Variants in LRMDA observed in about 807,000 individuals in gnomAD.
LRMDA encodes the protein leucine-rich melanocyte differentiation-associated protein.
In LRMDA, 18 loss-of-function variants were observed where a neutral mutation model predicts 29.8. The observed-to-expected ratio is 0.60, with a 90% CI of 0.42 to 0.90. The LOEUF (loss-of-function observed/expected upper bound fraction) is 0.90. Ranked by LOEUF, LRMDA falls within the 40% of genes least tolerant of loss-of-function variation. The pLI is 0.00. For missense variants in LRMDA, 273 were observed against 273.9 expected (o/e 1.00, Z 0.02); for synonymous variants, 125 against 109.4 (o/e 1.14, Z -0.89).
chr10:76,549,015 C>A (rs536891018), intron 6 of LRMDA, among the ~76,000 whole-genome samples: 1 of 152,268 alleles, frequency 6.6e-6, no homozygotes, highest in South Asian at 2.1e-4. Flanking sequence ...CAGACTTGGA[C>A]CAGCTTTTCC....
intron 6 of LRMDA, among the ~76,000 whole-genome samples, chr10:76,376,614 C>A (rs1369880472): frequency 1.3e-5 from 2 of 151,966 alleles, no homozygotes; most frequent in African/African-American, 4.8e-5. Flanking sequence ...AATGGTAGTT[C>A]TATTTTTAAT....
chr10:75,533,791 G>A (rs1488050984), intron 2 of LRMDA, among the ~76,000 whole-genome samples: 1 of 152,046 alleles, frequency 6.6e-6, no homozygotes, highest in Non-Finnish European at 1.5e-5. Flanking sequence ...GAGAGAGAGA[G>A]TCAACGATAT....
intron 2 of LRMDA, among the ~76,000 whole-genome samples, chr10:75,991,823 T>C (rs907291730): frequency 2.0e-5 from 3 of 152,202 alleles, no homozygotes; most frequent in African/African-American, 7.2e-5. Flanking sequence ...CAAGTGATAC[T>C]GAGGCCACAC....
chr10:76,049,752 T>G (rs552193988), intron 4 of LRMDA, among the ~76,000 whole-genome samples: 1 of 152,010 alleles, frequency 6.6e-6, no homozygotes, highest in East Asian at 1.9e-4. Context: ...TGCAGCTGCC[T>G]TTTTTTTCTT....
intron 5 of LRMDA, among the ~76,000 whole-genome samples, chr10:76,068,065 T>C (rs1157558753): frequency 6.6e-6 from 1 of 152,238 alleles, no homozygotes; most frequent in African/African-American, 2.4e-5. Flanking sequence ...GTTCTGAAGC[T>C]GCCTTCAATG....
chr10:76,487,317 G>C (rs192894347), intron 6 of LRMDA, among the ~76,000 whole-genome samples: 1 of 152,016 alleles, frequency 6.6e-6, no homozygotes, highest in African/African-American at 2.4e-5. Flanking sequence ...ATTATTGTAT[G>C]CGGAAGATAT....
chr10:76,154,700 T>C (rs757691884), intron 5 of LRMDA, among the ~76,000 whole-genome samples: 4 of 152,202 alleles, frequency 2.6e-5, no homozygotes, highest in Non-Finnish European at 4.4e-5. Context: ...AAGCTTCTGA[T>C]ATATTGGATT....
At chr10:75,684,860 G>A (rs1019449483) in intron 2 of LRMDA, among the ~76,000 whole-genome samples, 3 of 152,136 alleles carry the variant, frequency 2.0e-5, no homozygotes, top group African/African-American at 7.2e-5. Flanking sequence ...TGAGGCAGCC[G>A]AATGCAGCTG....
chr10:76,230,973 C>G (rs557305335), intron 5 of LRMDA, among the ~76,000 whole-genome samples: 6 of 152,296 alleles, frequency 3.9e-5, no homozygotes, highest in Admixed American at 2.0e-4. Context: ...GATAGACAGA[C>G]AAAGGCCATG....
chr10:75,897,538 A>T (rs143742609), intron 2 of LRMDA, among the ~76,000 whole-genome samples: 1,542 of 152,314 alleles, frequency 0.01, 11 homozygotes, highest in Non-Finnish European at 0.018. Flanking sequence ...CGAACCTTAG[A>T]TATAAAATAT....
At chr10:75,684,131 A>G (rs1272240546) in intron 2 of LRMDA, among the ~76,000 whole-genome samples, 2 of 152,260 alleles carry the variant, frequency 1.3e-5, no homozygotes, top group African/African-American at 2.4e-5. Flanking sequence ...AAATTAAAAC[A>G]TAAATTAGAA....
intron 2 of LRMDA, among the ~76,000 whole-genome samples, chr10:75,655,176 A>C (rs540701037): frequency 1.5e-3 from 223 of 152,364 alleles, no homozygotes; most frequent in Admixed American, 5.2e-3. Context: ...TGTGGTTGTC[A>C]AAACAAGCAA....
chr10:75,487,231 T>C (rs1844926248), intron 2 of LRMDA, among the ~76,000 whole-genome samples: 1 of 152,222 alleles, frequency 6.6e-6, no homozygotes, highest in South Asian at 2.1e-4. Context: ...CCATATAATA[T>C]ATAGTTATTT....
At chr10:76,153,380 G>T (rs1297017577) in intron 5 of LRMDA, among the ~76,000 whole-genome samples, 3 of 152,140 alleles carry the variant, frequency 2.0e-5, no homozygotes, top group African/African-American at 4.8e-5. Context: ...TTACATCTAA[G>T]AAACTATTGA....
At chr10:75,657,393 G>A (rs541688058) in intron 2 of LRMDA, among the ~76,000 whole-genome samples, 3 of 152,288 alleles carry the variant, frequency 2.0e-5, no homozygotes, top group East Asian at 1.9e-4. Flanking sequence ...GGGTGAAAGC[G>A]TGGTAGGCGC....
intron 2 of LRMDA, among the ~76,000 whole-genome samples, chr10:75,807,134 G>A (rs1843868832): frequency 6.6e-6 from 1 of 152,180 alleles, no homozygotes; most frequent in South Asian, 2.1e-4. Flanking sequence ...GACTTTAGCT[G>A]GAGGTCGGTC....
intron 2 of LRMDA, among the ~76,000 whole-genome samples, chr10:75,814,088 G>A (rs1009929262): frequency 2.0e-5 from 3 of 152,204 alleles, no homozygotes; most frequent in African/African-American, 7.2e-5. Context: ...GAACCATTTA[G>A]GAATATGATT....
chr10:75,833,577 A>G (rs913295482), intron 2 of LRMDA, among the ~76,000 whole-genome samples: 1 of 152,222 alleles, frequency 6.6e-6, no homozygotes, highest in Non-Finnish European at 1.5e-5. Context: ...TACGTGAAGT[A>G]TACATTCACC....
chr10:76,074,929 G>T (rs1848934070), intron 5 of LRMDA, among the ~76,000 whole-genome samples: 1 of 152,120 alleles, frequency 6.6e-6, no homozygotes, highest in African/African-American at 2.4e-5. Context: ...AGGGACCTAG[G>T]CTTCTTCCAT....
Sources: allele counts gnomAD v4.1 joint callset (sites outside exome capture counted in the v4.1 genomes callset), GRCh38; gene constraint gnomAD v4.1.1; transcripts MANE v1.5; gene names NCBI Gene and HGNC (gene_info 2026-07-23, HGNC 2026-07-21).